The following ABCA12 variants were observed in gnomAD, a reference collection of about 807,000 sequenced individuals.
ABCA12 encodes ATP binding cassette subfamily A member 12.
Under a neutral mutation model 293.5 loss-of-function variants are expected in ABCA12, and 156 were observed. That is an observed-to-expected ratio of 0.53 (90% CI 0.47 to 0.61). The LOEUF (loss-of-function observed/expected upper bound fraction) is 0.61. Ranked by LOEUF, ABCA12 falls within the 20% of genes least tolerant of loss-of-function variation. ABCA12 has a pLI of 0.00. For synonymous variants in ABCA12, 1,063 were observed against 1,108.0 expected (o/e 0.96, Z 0.81); for missense variants, 2,797 against 3,090.2 (o/e 0.91, Z 2.25).
intron 26 of ABCA12, among the ~76,000 whole-genome samples, chr2:214,988,311 G>GT (rs1175462628): frequency 6.6e-6 from 1 of 152,080 alleles, no homozygotes; most frequent in Non-Finnish European, 1.5e-5. Context: ...TCTTATTATT[G>GT]TAAGTGTACA....
chr2:214,988,223 G>GA (rs1250957400), intron 26 of ABCA12, among the ~76,000 whole-genome samples: 2 of 152,100 alleles, frequency 1.3e-5, no homozygotes, highest in African/African-American at 4.8e-5. Flanking sequence ...TTGCCACTTA[G>GA]AAAAACATAA....
At chr2:214,997,944 A>C in intron 22 of ABCA12, 135 bp from the exon 23 acceptor site, 1 of 635,648 alleles carries the variant, frequency 1.6e-6, no homozygotes. Context: ...AATAATCGGT[A>C]TTACCCCATT....
At chr2:214,948,241 G>GT (rs1254986006) in intron 47 of ABCA12, among the ~76,000 whole-genome samples, 1 of 152,158 alleles carries the variant, frequency 6.6e-6, no homozygotes, top group Non-Finnish European at 1.5e-5. Flanking sequence ...GCCGTTAACT[G>GT]TATGTGTCAG....
chr2:214,951,641 C>A (rs1698775476), intron 44 of ABCA12, among the ~76,000 whole-genome samples: 1 of 152,158 alleles, frequency 6.6e-6, no homozygotes, highest in Admixed American at 6.5e-5. Context: ...CCTGTAGTCC[C>A]AGCTACTCAG....
intron 2 of ABCA12, among the ~76,000 whole-genome samples, chr2:215,073,531 A>G (rs1429347783): frequency 6.6e-6 from 1 of 151,964 alleles, no homozygotes; most frequent in Non-Finnish European, 1.5e-5. Context: ...GCTGGTGGGT[A>G]AAGAGCCACT....
chr2:215,059,665 TA>T (rs1559171969), intron 3 of ABCA12, among the ~76,000 whole-genome samples: 1 of 151,938 alleles, frequency 6.6e-6, no homozygotes, highest in Non-Finnish European at 1.5e-5. Context: ...ATGGGCAGAT[TA>T]GGGGGTATCC....
chr2:214,981,562 G>A (rs886197031), intron 30 of ABCA12, among the ~76,000 whole-genome samples: 6 of 152,000 alleles, frequency 3.9e-5, no homozygotes, highest in African/African-American at 4.8e-5. Context: ...AACTCACAGC[G>A]GGCAGTACAT....
At chr2:214,979,541 A>G (rs1385547999) in intron 31 of ABCA12, among the ~76,000 whole-genome samples, 1 of 151,764 alleles carries the variant, frequency 6.6e-6, no homozygotes, top group Non-Finnish European at 1.5e-5. Flanking sequence ...TTATTAATAA[A>G]TATTAAAAAA....
chr2:214,950,380 ATATCTGTGTGTG>A (rs1698720784), intron 45 of ABCA12, among the ~76,000 whole-genome samples: 1 of 135,144 alleles, frequency 7.4e-6, no homozygotes, highest in Non-Finnish European at 1.6e-5. Context: ...GTGTATATAT[ATATCTGTGTGTG>A]TGTGTGTGTG....
At chr2:215,076,416 G>T (rs1031121169) in intron 2 of ABCA12, among the ~76,000 whole-genome samples, 2 of 152,048 alleles carry the variant, frequency 1.3e-5, no homozygotes. Context: ...CTAAGAAAAA[G>T]TTCTTTTTTT....
At chr2:214,967,499 T>C (rs190224411) in intron 38 of ABCA12, among the ~76,000 whole-genome samples, 320 of 152,286 alleles carry the variant, frequency 2.1e-3, no homozygotes, top group Non-Finnish European at 3.6e-3. Flanking sequence ...TTTAATATAC[T>C]GGTGAACCTC....
Position 214,955,317 on chromosome 2 carries a change from T to A in ABCA12, c.6278A>T (p.His2093Leu). The A allele has an allele frequency of 6.2e-7, 1 of 1,614,144 alleles. No homozygotes were observed. The highest frequency in any genetic ancestry group is 8.5e-7 in the Non-Finnish European group (1 of 1,179,998). ...SWMYLLAGLF[H>L]ETGMAFITYV... The stretch of plus-strand genomic sequence containing the variant: ...AGTGATGAAGGCCATTCCTGTTTCA[T>A]GGAAGAGCCCAGCCAGCAAGTACAT... The change falls in exon 43 of 53, where the codon CAT becomes CTT. Residue 2093 changes from histidine to leucine, a missense_variant. By Grantham distance (99) the His-to-Leu change is moderately conservative. This residue lies in a region of ABCA12 where 2,130 missense variants were observed against 2,427.0 expected (regional missense o/e 0.88). Coordinates refer to ENST00000272895, the MANE Select transcript of ABCA12 (RefSeq NM_173076.3).
chr2:215,075,962 G>T (rs965959483), intron 2 of ABCA12, among the ~76,000 whole-genome samples: 9 of 152,178 alleles, frequency 5.9e-5, no homozygotes, highest in African/African-American at 2.2e-4. Flanking sequence ...CTCGAAGTCT[G>T]GTTCCAGATC....
intron 23 of ABCA12, among the ~76,000 whole-genome samples, chr2:214,993,917 T>C (rs903366403): frequency 2.0e-5 from 3 of 152,196 alleles, no homozygotes; most frequent in African/African-American, 7.2e-5. Flanking sequence ...ACTGTAATTT[T>C]GAAATTTTTG....
chr2:214,944,865 G>C, intron 49 of ABCA12, 136 bp downstream of exon 49: 2 of 634,484 alleles, frequency 3.2e-6, no homozygotes. Context: ...TATATATTTT[G>C]TATGTGTGTA....
chr2:215,087,029 G>A (rs560038640), intron 2 of ABCA12, among the ~76,000 whole-genome samples: 8 of 151,854 alleles, frequency 5.3e-5, no homozygotes, highest in South Asian at 2.1e-4. Flanking sequence ...CACAACCCCC[G>A]CCTCCCAGAT....
chr2:215,124,746 CTG>C (rs1390055611), intron 1 of ABCA12, among the ~76,000 whole-genome samples: 3 of 152,166 alleles, frequency 2.0e-5, no homozygotes, highest in South Asian at 2.1e-4. Flanking sequence ...TTCTCCCACT[CTG>C]TGGGTTGTCT....
intron 15 of ABCA12, among the ~76,000 whole-genome samples, chr2:215,013,852 G>A (rs1049793072): frequency 6.6e-6 from 1 of 152,154 alleles, no homozygotes; most frequent in Non-Finnish European, 1.5e-5. Flanking sequence ...AGGCCCTTGT[G>A]GAACTAACAT....
chr2:214,950,170 T>C (rs1211698608), intron 45 of ABCA12, among the ~76,000 whole-genome samples: 1 of 152,162 alleles, frequency 6.6e-6, no homozygotes, highest in Non-Finnish European at 1.5e-5. Flanking sequence ...ATGATTTAAA[T>C]ATACAGTGGG....
Sources: allele counts gnomAD v4.1 joint callset (sites outside exome capture counted in the v4.1 genomes callset), GRCh38; gene constraint gnomAD v4.1.1; regional missense constraint gnomAD v4.1.1; transcripts MANE v1.5; gene names NCBI Gene and HGNC (gene_info 2026-07-23, HGNC 2026-07-21).